Variants in ZNF90 observed in about 807,000 individuals in gnomAD.
ZNF90 encodes zinc finger protein 90, also known as zinc finger protein HTF9.
In ZNF90, 11 loss-of-function variants were observed where a neutral mutation model predicts 12.0. The ratio of observed to expected loss-of-function variants is 0.92; its 90% CI spans 0.58 to 1.52. The LOEUF (loss-of-function observed/expected upper bound fraction) is 1.52. Ranked by LOEUF, ZNF90 falls within the 40% of genes most tolerant of loss-of-function variation. The pLI, the probability that ZNF90 is intolerant of heterozygous loss-of-function variation, is 0.00. For missense variants in ZNF90, 765 were observed against 711.5 expected (o/e 1.08, Z -0.86); for synonymous variants, 232 against 240.1 (o/e 0.97, Z 0.31).
intron 1 of ZNF90, among the ~76,000 whole-genome samples, chr19:20,102,534 T>C (rs2122504182): frequency 6.6e-6 from 1 of 152,344 alleles, no homozygotes; most frequent in South Asian, 2.1e-4. Context: ...CATTGCTCCA[T>C]CTGTGAGACA....
chr19:20,105,027 C>T (rs1240230106), intron 2 of ZNF90, among the ~76,000 whole-genome samples, 194 bp from the exon 3 acceptor site: 1 of 151,920 alleles, frequency 6.6e-6, no homozygotes, highest in Non-Finnish European at 1.5e-5. Flanking sequence ...CAAAACAAAA[C>T]AAAACAAAAA....
At chr19:20,098,478 C>T (rs182550857) in intron 1 of ZNF90, among the ~76,000 whole-genome samples, 1 of 152,294 alleles carries the variant, frequency 6.6e-6, no homozygotes, top group Non-Finnish European at 1.5e-5. Context: ...AGTGAGAGAT[C>T]AAGGCCACAA....
Position 20,118,885 on chromosome 19 carries a change from A to C in ZNF90, c.1331A>C (p.Lys444Thr). Residue 444 changes from lysine (K) to threonine (T), a missense_variant, in exon 4 of 4, where the codon AAG becomes ACG. By Grantham distance (78) the Lys-to-Thr change is moderately conservative. Coordinates refer to ENST00000418063, the MANE Select transcript of ZNF90 (RefSeq NM_007138.2). The stretch of plus-strand genomic sequence containing the variant: ...CGCTCCTCAGCCCTTAGCACACATA[A>C]GATAATTCATAGTGGAGAGAAACCC... ...FKRSSALSTH[K>T]IIHSGEKPYK... 6.2e-7 allele frequency: 1 copy of C among 1,612,176 alleles called. No homozygotes were observed. Among genetic ancestry groups the C allele is most frequent in the East Asian group, 2.2e-5 (1 of 44,744 alleles).
chr19:20,104,187 T>C, intron 1 of ZNF90, 52 bp from the exon 2 acceptor site: 1 of 1,606,944 alleles, frequency 6.2e-7, no homozygotes, highest in Non-Finnish European at 8.5e-7. Flanking sequence ...ATTACAAACT[T>C]TGCCCATGAC....
chr19:20,083,024 C>T (rs1285314906), intron 1 of ZNF90, among the ~76,000 whole-genome samples: 1 of 152,180 alleles, frequency 6.6e-6, no homozygotes, highest in African/African-American at 2.4e-5. Flanking sequence ...TTGTTTCTGA[C>T]ACTGAGACAT....
chr19:20,108,611 C>T (rs2089059642), intron 3 of ZNF90, among the ~76,000 whole-genome samples: 1 of 152,042 alleles, frequency 6.6e-6, no homozygotes, highest in African/African-American at 2.4e-5. Flanking sequence ...AGCCACCGTG[C>T]CTGGCCTGAC....
chr19:20,095,868 A>G (rs2088940870), intron 1 of ZNF90, among the ~76,000 whole-genome samples: 1 of 152,196 alleles, frequency 6.6e-6, no homozygotes. Flanking sequence ...CCTTCCCCAG[A>G]AAAGCGGGAC....
chr19:20,082,770 C>T (rs2088830002), intron 1 of ZNF90, among the ~76,000 whole-genome samples: 1 of 152,140 alleles, frequency 6.6e-6, no homozygotes, highest in African/African-American at 2.4e-5. Flanking sequence ...AGGGTCTGTG[C>T]TGAGGAGGAT....
At chr19:20,081,257 C>T (rs763656493) in intron 1 of ZNF90, among the ~76,000 whole-genome samples, 6 of 152,186 alleles carry the variant, frequency 3.9e-5, no homozygotes, top group Non-Finnish European at 5.9e-5. Context: ...GGTGCCATCT[C>T]GGCTCACTTC....
chr19:20,111,654 C>T (rs956690941), intron 3 of ZNF90, among the ~76,000 whole-genome samples: 8 of 151,838 alleles, frequency 5.3e-5, no homozygotes, highest in African/African-American at 1.9e-4. Context: ...TACTGGTATG[C>T]TTTATTTTTT....
At chr19:20,116,979 TAA>T (rs35276420) in intron 3 of ZNF90, among the ~76,000 whole-genome samples, 7,694 of 135,146 alleles carry the variant, frequency 0.057, 284 homozygotes, top group African/African-American at 0.12. Context: ...TGTTTTTCTT[TAA>T]AAAAAAAAAA....
intron 1 of ZNF90, chr19:20,087,491 C>T (rs2088868059): frequency 6.6e-6 from 1 of 152,214 alleles, no homozygotes; most frequent in Admixed American, 6.5e-5. Context: ...AGTTGAAACA[C>T]TGCTCCCATT....
intron 1 of ZNF90, among the ~76,000 whole-genome samples, chr19:20,086,393 CCTGT>C (rs2088860254): frequency 6.6e-6 from 1 of 151,762 alleles, no homozygotes; most frequent in Non-Finnish European, 1.5e-5. Flanking sequence ...CCCAACCATG[CCTGT>C]CTAAATTATT....
rs781808083 is a variant in ZNF90, at chr19:20,117,917, T to C, written c.363T>C (p.Asp121=). 1 of 1,613,036 alleles carries C rather than the reference T, an allele frequency of 6.2e-7. No homozygotes were observed. Residue 121 remains aspartate (D), a synonymous_variant, in exon 4 of 4, where the codon GAT becomes GAC. Transcript: ENST00000418063. ...TAAAAAAAGGTTGTGAAAGTGTGGA[T>C]GAGGGTAAAGTACACAAAAGAGGTT... ...LELKKGCESV[D]EGKVHKRGYN...
Position 20,118,788 on chromosome 19 carries a change from C to T in ZNF90, c.1234C>T (p.Leu412Phe). The T allele has an allele frequency of 6.8e-6, 11 of 1,606,522 alleles. No homozygotes were observed. The highest frequency in any genetic ancestry group is 9.4e-6 in the Non-Finnish European group (11 of 1,176,260). Residue 412 changes from leucine (L) to phenylalanine (F), a missense_variant, in exon 4 of 4, where the codon CTT (leucine) becomes TTT (phenylalanine). Physicochemically the swap from Leu to Phe is conservative, Grantham distance 22. Coordinates refer to ENST00000418063, the MANE Select transcript of ZNF90 (RefSeq NM_007138.2). Reference sequence around the variant, plus strand: ...CAAAGCCTTCAAGCGCTCCTCAACACTTACTATACATAAGATAAGTCATAC... The same window carrying T: ...CAAAGCCTTCAAGCGCTCCTCAACATTTACTATACATAAGATAAGTCATAC... The part of the protein sequence containing the change: ...CGKAFKRSST[L>F]TIHKISHTEE...
At chr19:20,111,732 A>C (rs926655729) in intron 3 of ZNF90, among the ~76,000 whole-genome samples, 1 of 152,174 alleles carries the variant, frequency 6.6e-6, no homozygotes, top group Non-Finnish European at 1.5e-5. Context: ...GATTACATAC[A>C]TCTTAAAGTT....
chr19:20,107,843 A>G (rs1480718384), intron 3 of ZNF90, among the ~76,000 whole-genome samples: 1 of 152,212 alleles, frequency 6.6e-6, no homozygotes, highest in Admixed American at 6.5e-5. Flanking sequence ...GGCACCCAAT[A>G]TTTAACTAAA....
At chr19:20,105,153 G>A in intron 2 of ZNF90, 68 bp from the exon 3 acceptor site, 1 of 1,223,358 alleles carries the variant, frequency 8.2e-7, no homozygotes, top group Admixed American at 2.4e-5. Context: ...CTTCTCTGCT[G>A]AGCACAGTAC....
At chr19:20,099,796 A>G (rs1401496077) in intron 1 of ZNF90, among the ~76,000 whole-genome samples, 1 of 152,202 alleles carries the variant, frequency 6.6e-6, no homozygotes, top group African/African-American at 2.4e-5. Context: ...AAAAAGGGTA[A>G]ATATATATAC....
Sources: gnomAD v4.1 joint callset for allele counts (sites outside exome capture counted in the v4.1 genomes callset) on GRCh38, gnomAD v4.1.1 for gene constraint, MANE v1.5 for transcripts, NCBI Gene and HGNC (gene_info 2026-07-23, HGNC 2026-07-21) for gene names.